The following SASH1 variants were observed in gnomAD, a reference collection of about 807,000 sequenced individuals.
SASH1 encodes the protein SAM and SH3 domain-containing protein 1.
A neutral mutation model predicts 125.2 loss-of-function variants in SASH1; 44 were observed. That is an observed-to-expected ratio of 0.35 (90% CI 0.28 to 0.45). The LOEUF is 0.45. Ranked by LOEUF, SASH1 falls within the 20% of genes least tolerant of loss-of-function variation. The probability of loss-of-function intolerance (pLI) is 1.00; values close to 1 mark genes in which losing one functional copy is unlikely to be tolerated. For missense variants in SASH1, 1,426 were observed against 1,614.5 expected (o/e 0.88, Z 2.00); for synonymous variants, 639 against 649.1 (o/e 0.98, Z 0.24).
At chr6:148,481,071 G>A (rs1778597058) in intron 7 of SASH1, among the ~76,000 whole-genome samples, 2 of 126,228 alleles carry the variant, frequency 1.6e-5, no homozygotes, top group Non-Finnish European at 3.7e-5. Context: ...AACAATTTCT[G>A]TGTACTGGGA....
rs1460829040 is a variant in SASH1, at chr6:148,549,449, T to C, written c.*891T>C. Reference sequence around the variant, plus strand: ...CGTGTGTGTCTGTATTCATAGTGACTGCTTTTGGTTTTAACCAGTTTAGTA... The same window carrying C: ...CGTGTGTGTCTGTATTCATAGTGACCGCTTTTGGTTTTAACCAGTTTAGTA... On this transcript the variant is annotated 3_prime_UTR_variant, in exon 20 of 20. Transcript: ENST00000367467. 3 of 395,140 alleles carry C rather than the reference T, an allele frequency of 7.6e-6. No individual in the cohort carries two copies. Among genetic ancestry groups the C allele is most frequent in the Non-Finnish European group, 1.3e-5 (3 of 223,896 alleles). The allele number at this position is 395,140 out of a possible 1,614,324, so 24.5% of individuals were successfully genotyped here.
chr6:148,293,596 A>C (rs1159034186), intron 1 of SASH1, among the ~76,000 whole-genome samples: 1 of 152,106 alleles, frequency 6.6e-6, no homozygotes, highest in Non-Finnish European at 1.5e-5. Flanking sequence ...CCAGAGACTC[A>C]GCTAGTCTGG....
intron 1 of SASH1, among the ~76,000 whole-genome samples, chr6:148,361,567 T>C (rs1227075174): frequency 6.6e-6 from 1 of 150,392 alleles, no homozygotes; most frequent in African/African-American, 2.5e-5. Context: ...ACCATTGCAC[T>C]CCAGCCTGGG....
chr6:148,388,377 A>G (rs1783567634), intron 1 of SASH1, among the ~76,000 whole-genome samples: 1 of 152,118 alleles, frequency 6.6e-6, no homozygotes, highest in Non-Finnish European at 1.5e-5. Flanking sequence ...TTTGAAGAGG[A>G]GGGGGTCTCC....
the SASH1 span, among the ~76,000 whole-genome samples, chr6:148,234,552 G>A: frequency 2.0e-4 from 30 of 152,138 alleles, no homozygotes; most frequent in Non-Finnish European, 3.2e-4. Flanking sequence ...CTGGCCGGGC[G>A]TGGTGGCTCA....
At chr6:148,232,790 A>G in the SASH1 span, among the ~76,000 whole-genome samples, 5 of 152,168 alleles carry the variant, frequency 3.3e-5, no homozygotes, top group Admixed American at 2.0e-4. Flanking sequence ...AAGATTTCCT[A>G]AAGTCAGTGC....
At chr6:148,389,270 T>G (rs1341625741) in intron 1 of SASH1, among the ~76,000 whole-genome samples, 1 of 152,212 alleles carries the variant, frequency 6.6e-6, no homozygotes, top group Admixed American at 6.5e-5. Flanking sequence ...TATTCAGTGT[T>G]CCTCAGAGGT....
At chr6:148,205,060 A>T in the SASH1 span, among the ~76,000 whole-genome samples, 1 of 152,046 alleles carries the variant, frequency 6.6e-6, no homozygotes, top group East Asian at 1.9e-4. Context: ...CTAATTTCCA[A>T]CTTGTATCAG....
chr6:148,194,515 C>T, the SASH1 span, among the ~76,000 whole-genome samples: 1 of 152,242 alleles, frequency 6.6e-6, no homozygotes, highest in Admixed American at 6.5e-5. Context: ...CTGTCTTTTC[C>T]CTGGCAGTAT....
Position 148,432,156 on chromosome 6 carries a change from G to A in SASH1, c.286-8028G>A, listed in dbSNP as rs143769943. ...ACGCTGGGCTAATTTTGTGTTTTTC[G>A]TAGAGATGGGGTTTCTCCATGTTGG... On this transcript the variant is annotated intron_variant, in intron 2 of 19. Transcript: ENST00000367467. 7.2e-4 allele frequency among the ~76,000 whole-genome samples: 109 copies of A among 152,128 alleles called. No individual in the cohort carries two copies. The East Asian group carries it at 0.019, about 26-fold the overall frequency.
chr6:148,472,310 A>C lies in SASH1; in HGVS notation c.514+807A>C, dbSNP rs146630014. 3.8e-3 allele frequency among the ~76,000 whole-genome samples: 578 copies of C among 152,340 alleles called. 5 individuals are homozygous for C. Among genetic ancestry groups the C allele is most frequent in the African/African-American group, 0.013 (534 of 41,572 alleles). On this transcript the variant is annotated intron_variant, in intron 6 of 19. Coordinates refer to ENST00000367467, the MANE Select transcript of SASH1 (RefSeq NM_015278.5). ...AATGAGAAAAACGGATGTGAACAGC[A>C]GACACGTCACAGCACACCTGGGTTC... is the stretch of plus-strand genomic sequence containing the variant.
At chr6:148,357,733 C>T (rs1782001476) in intron 1 of SASH1, among the ~76,000 whole-genome samples, 1 of 152,094 alleles carries the variant, frequency 6.6e-6, no homozygotes, top group Non-Finnish European at 1.5e-5. Flanking sequence ...CCTACTTCCA[C>T]GACATCGGGA....
chr6:148,217,881 G>A, the SASH1 span, among the ~76,000 whole-genome samples: 2 of 151,602 alleles, frequency 1.3e-5, no homozygotes, highest in East Asian at 1.9e-4. Flanking sequence ...CGGGTGTGGT[G>A]GTGTGTGTCT....
chr6:148,256,792 C>T, the SASH1 span, among the ~76,000 whole-genome samples: 29 of 152,056 alleles, frequency 1.9e-4, no homozygotes, highest in Non-Finnish European at 4.3e-4. Flanking sequence ...AAATCTTATA[C>T]TTAAGAGGGT....
intron 1 of SASH1, among the ~76,000 whole-genome samples, chr6:148,347,792 C>A (rs1483231531): frequency 6.6e-6 from 1 of 152,012 alleles, no homozygotes; most frequent in Admixed American, 6.6e-5. Flanking sequence ...TGTGGCCTCT[C>A]TATGTGGAGA....
chr6:148,513,393 A>G (rs73015031), intron 8 of SASH1: 105,780 of 985,270 alleles, frequency 0.11, 5,751 homozygotes, highest in Middle Eastern at 0.12. Context: ...CGTGTTGCAC[A>G]CTCGTTTAGT....
chr6:148,280,970 G>A (rs1336749474), intron 1 of SASH1, among the ~76,000 whole-genome samples: 2 of 151,858 alleles, frequency 1.3e-5, no homozygotes, highest in Admixed American at 1.3e-4. Flanking sequence ...TTGAGACAGA[G>A]TCTTGCTCTG....
intron 1 of SASH1, among the ~76,000 whole-genome samples, chr6:148,314,502 C>T (rs1440482502): frequency 2.0e-5 from 3 of 152,110 alleles, no homozygotes; most frequent in East Asian, 1.9e-4. Context: ...TTACTGAGCC[C>T]GCTGAATGCA....
At chr6:148,366,418 A>G (rs1490759788) in intron 1 of SASH1, among the ~76,000 whole-genome samples, 3 of 152,232 alleles carry the variant, frequency 2.0e-5, no homozygotes, top group African/African-American at 7.2e-5. Flanking sequence ...GGAGACGAGC[A>G]GACAACAGAA....
Sources: gnomAD v4.1 joint callset for allele counts (sites outside exome capture counted in the v4.1 genomes callset) on GRCh38, gnomAD v4.1.1 for gene constraint, MANE v1.5 for transcripts, NCBI Gene and HGNC (gene_info 2026-07-23, HGNC 2026-07-21) for gene names.